Variants in MC2R observed in about 807,000 individuals in gnomAD.
MC2R encodes adrenocorticotropic hormone receptor.
MC2R carries 9 observed loss-of-function variants against 9.8 expected under a neutral mutation model. The observed-to-expected ratio is 0.92, with a 90% confidence interval of 0.55 to 1.60. The LOEUF is 1.60. Among genes scored for constraint, MC2R ranks in the 40% most tolerant of loss-of-function variants. The pLI is 0.00. For synonymous variants in MC2R, 185 were observed against 154.7 expected (o/e 1.20, Z -1.45); for missense variants, 370 against 389.0 (o/e 0.95, Z 0.41).
rs917075052 is a variant in MC2R, at chr18:13,885,193, A to G, written c.326T>C (p.Leu109Pro). The change falls in exon 2 of 2, where the codon CTG (leucine) becomes CCG (proline). Residue 109 changes from leucine to proline, a missense_variant. By Grantham distance (98) the Leu-to-Pro change is moderately conservative. Coordinates refer to ENST00000327606, the MANE Select transcript of MC2R (RefSeq NM_000529.2). ...GGAGCCAAGCAGGGAGAGGACAAACAGGGAGTCGATGATGTCATCGGCTGT... is the reference window on the plus strand; with the variant it reads ...GGAGCCAAGCAGGGAGAGGACAAACGGGGAGTCGATGATGTCATCGGCTGT... ...ETTADDIIDSLFVLSLLGSIF... is the reference protein window; with the variant it reads ...ETTADDIIDSPFVLSLLGSIF... 1.2e-6 allele frequency: 2 copies of G among 1,614,048 alleles called. No homozygotes were observed. The highest frequency in any genetic ancestry group is 1.7e-6 in the Non-Finnish European group (2 of 1,180,038).
intron 1 of MC2R, among the ~76,000 whole-genome samples, chr18:13,886,431 A>G (rs1247930145): frequency 6.6e-6 from 1 of 152,188 alleles, no homozygotes; most frequent in African/African-American, 2.4e-5. Context: ...TGATGAAAAA[A>G]GAGGTAAAGC....
intron 1 of MC2R, among the ~76,000 whole-genome samples, chr18:13,903,268 A>G (rs1013198119): frequency 1.3e-5 from 2 of 152,240 alleles, no homozygotes; most frequent in African/African-American, 4.8e-5. Flanking sequence ...TATGACCATT[A>G]TGGAGAACAG....
Position 13,885,276 on chromosome 18 carries a change from AT to A in MC2R, c.242del (p.Asn81IlefsTer3). The A allele has an allele frequency of 6.2e-7, 1 of 1,614,042 alleles. No homozygotes were observed. Among genetic ancestry groups the A allele is most frequent in the South Asian group, 1.1e-5 (1 of 91,068 alleles). On this transcript the variant is annotated frameshift_variant, in exon 2 of 2. Transcript: ENST00000327606. LOFTEE classifies it high-confidence loss of function. ...CCATGTTTCTCAATATGATCAGGAT[AT>A]TTTCCAAGATCTTATATAGGCTGCC... ...MLGSLYKILE[N>X]ILIILRNMGY...
chr18:13,906,617 A>G (rs2045416036), intron 1 of MC2R, among the ~76,000 whole-genome samples: 2 of 152,248 alleles, frequency 1.3e-5, no homozygotes, highest in African/African-American at 2.4e-5. Flanking sequence ...AGATGACATG[A>G]TGTTATACTT....
rs2045235764 is a variant in MC2R, at chr18:13,882,197, T to C, written c.*2428A>G. 6.6e-6 allele frequency: 1 copy of C among 152,244 alleles called. No individual in the cohort carries two copies. The highest frequency in any genetic ancestry group is 6.5e-5 in the Admixed American group (1 of 15,290). 9.4% of individuals were successfully genotyped at this position (152,244 alleles called of 1,614,324 possible). A position where few individuals can be genotyped will look rare whatever the true frequency, so the allele number is the denominator to read the frequency against. On this transcript the variant is annotated 3_prime_UTR_variant, in exon 2 of 2. Transcript: ENST00000327606. ...GCAGTTTAAAAATTGGGTAATTTGATAAAAGAATTAAGTCCTCATGGGAAA... is the reference window on the plus strand; with the variant it reads ...GCAGTTTAAAAATTGGGTAATTTGACAAAAGAATTAAGTCCTCATGGGAAA...
rs533995869 is a variant in MC2R at position 13,897,156 on chromosome 18, C to T, written c.-128-11510G>A. Among the ~76,000 whole-genome samples, 71 of 152,322 alleles carry T rather than the reference C, an allele frequency of 4.7e-4. 1 individual carries two copies. The South Asian group carries it at 8.9e-3, about 19-fold the overall frequency. ...AGTCTCAAATTGCAGACACCACCCC[C>T]CCAAACCCCCCAGTGGTAGCGTGGT... On this transcript the variant is annotated intron_variant, in intron 1 of 1. Transcript: ENST00000327606.
At chr18:13,902,365 G>A (rs190335529) in intron 1 of MC2R, among the ~76,000 whole-genome samples, 2 of 152,084 alleles carry the variant, frequency 1.3e-5, no homozygotes, top group Admixed American at 1.3e-4. Context: ...GGAACCACAA[G>A]AGACTCAGAA....
chr18:13,897,771 G>T (rs2045355105), intron 1 of MC2R, among the ~76,000 whole-genome samples: 1 of 152,034 alleles, frequency 6.6e-6, no homozygotes, highest in Non-Finnish European at 1.5e-5. Context: ...CACACCCTGG[G>T]CCAGAAGGGA....
At chr18:13,892,634 T>A (rs2045321967) in intron 1 of MC2R, among the ~76,000 whole-genome samples, 1 of 90,416 alleles carries the variant, frequency 1.1e-5, no homozygotes. Context: ...TAAATGAACT[T>A]TTTTTTTTCT....
chr18:13,910,275 T>C (rs988957828), intron 1 of MC2R, among the ~76,000 whole-genome samples: 2 of 152,244 alleles, frequency 1.3e-5, no homozygotes, highest in Non-Finnish European at 2.9e-5. Context: ...TTCATTGATC[T>C]ATTTGTCTGT....
At chr18:13,913,588 G>T (rs1173181746) in intron 1 of MC2R, among the ~76,000 whole-genome samples, 3 of 152,198 alleles carry the variant, frequency 2.0e-5, no homozygotes, top group African/African-American at 2.4e-5. Flanking sequence ...GAACAGAGAA[G>T]TTAAGACTTT....
rs544778831 is a variant in MC2R at position 13,909,478 on chromosome 18, G to T, written c.-129+6010C>A. Among the ~76,000 whole-genome samples, 19 of 152,252 alleles carry T rather than the reference G, an allele frequency of 1.2e-4. 1 individual carries two copies. In the South Asian group the frequency reaches 3.7e-3, roughly 30 times the overall value. On this transcript the variant is annotated intron_variant, in intron 1 of 1. Coordinates refer to ENST00000327606, the MANE Select transcript of MC2R (RefSeq NM_000529.2). ...CCTCACATACAGAGCAGAGAGTTCT[G>T]CCCCACCTCCTTGAGGGTGGAGTGT...
chr18:13,885,098 T>A lies in MC2R; in HGVS notation c.421A>T (p.Ile141Phe). 1.2e-6 allele frequency: 2 copies of A among 1,614,190 alleles called. No homozygotes were observed. Among genetic ancestry groups the A allele is most frequent in the Non-Finnish European group, 1.7e-6 (2 of 1,180,050 alleles). Residue 141 changes from isoleucine (I) to phenylalanine (F), a missense_variant, in exon 2 of 2, where the codon ATC (isoleucine) becomes TTC (phenylalanine). By Grantham distance (21) the Ile-to-Phe change is conservative. Transcript: ENST00000327606. The part of the protein sequence containing the change: ...TIFHALRYHS[I>F]VTMRRTVVVL... ...ACCACAGTGCGGCGCATGGTCACGA[T>A]GCTGTGGTACCGCAGTGCGTGGAAG... is the stretch of plus-strand genomic sequence containing the variant.
chr18:13,914,492 G>A (rs2045464944), intron 1 of MC2R, among the ~76,000 whole-genome samples: 1 of 152,208 alleles, frequency 6.6e-6, no homozygotes, highest in Admixed American at 6.5e-5. Context: ...CTCCGGGGAT[G>A]GGGTGGGGAG....
rs530582955 is a variant in MC2R, at chr18:13,882,378, C to T, written c.*2247G>A. 7.0e-4 allele frequency: 106 copies of T among 152,304 alleles called. 1 individual carries two copies. The highest frequency in any genetic ancestry group is 2.5e-3 in the African/African-American group (105 of 41,572). The allele number at this position is 152,304 out of a possible 1,614,324, so 9.4% of individuals were successfully genotyped here. ...TTCTGATTGGAATATAGCAGAAGAC[C>T]TAGAATTGAAAATGTCTGGAATTGC... is the stretch of plus-strand genomic sequence containing the variant. On this transcript the variant is annotated 3_prime_UTR_variant, in exon 2 of 2. Transcript: ENST00000327606.
rs540734200 is a variant in MC2R, at chr18:13,884,596, A to G, written c.*29T>C. 7 of 1,608,376 alleles carry G rather than the reference A, an allele frequency of 4.4e-6. No homozygotes were observed. The South Asian group carries it at 5.5e-5, about 13-fold the overall frequency. On this transcript the variant is annotated 3_prime_UTR_variant, in exon 2 of 2. Transcript: ENST00000327606. Reference sequence around the variant, plus strand: ...TCTGGCACTTGGCAACGTTATTCCCATGGATTCTAAAACCAGGGATCAGCC... The same window carrying G: ...TCTGGCACTTGGCAACGTTATTCCCGTGGATTCTAAAACCAGGGATCAGCC...
chr18:13,883,623 A>ACT lies in MC2R; in HGVS notation c.*1001_*1002insAG, dbSNP rs2045249897. On this transcript the variant is annotated 3_prime_UTR_variant, in exon 2 of 2. Transcript: ENST00000327606. ...CACACACACACACACACACACACAC[A>ACT]CACACTCTCTCTCTCTCTCTCTCTC... 2.0e-5 allele frequency: 1 copy of ACT among 49,228 alleles called. No homozygotes were observed. Among genetic ancestry groups the ACT allele is most frequent in the African/African-American group, 5.9e-5 (1 of 16,814 alleles). 3.0% of individuals were successfully genotyped at this position (49,228 alleles called of 1,614,324 possible). A position where few individuals can be genotyped will look rare whatever the true frequency, so the allele number is the denominator to read the frequency against.
chr18:13,910,539 G>C lies in MC2R; in HGVS notation c.-129+4949C>G, dbSNP rs1006080799. 3.0e-4 allele frequency among the ~76,000 whole-genome samples: 45 copies of C among 152,348 alleles called. 1 individual carries two copies. Among genetic ancestry groups the C allele is most frequent in the Non-Finnish European group, 2.2e-4 (15 of 68,042 alleles). On this transcript the variant is annotated intron_variant, in intron 1 of 1. Coordinates refer to ENST00000327606, the MANE Select transcript of MC2R (RefSeq NM_000529.2). ...TGATCAAGTGGAGAAGATTAAAAAA[G>C]TGTGTTTCTTGCTGTTTTGCAAGTT...
Position 13,884,969 on chromosome 18 carries a change from G to T in MC2R, c.550C>A (p.Leu184Met), listed in dbSNP as rs1223534728. 26 of 1,614,160 alleles carry T rather than the reference G, an allele frequency of 1.6e-5. No individual in the cohort carries two copies. Among genetic ancestry groups the T allele is most frequent in the Non-Finnish European group, 2.1e-5 (25 of 1,180,036 alleles). ...AGGCACAGGATGAAGACCAGCATCA[G>T]CGGGAACAGCGACGTGAAGGTGATC... The part of the protein sequence containing the change: ...TVITFTSLFP[L>M]MLVFILCLYV... Residue 184 changes from leucine to methionine, a missense_variant, in exon 2 of 2, where the codon CTG becomes ATG. Physicochemically the swap from Leu to Met is conservative, Grantham distance 15. Coordinates refer to ENST00000327606, the MANE Select transcript of MC2R (RefSeq NM_000529.2).
Sources: gnomAD v4.1 joint callset for allele counts (sites outside exome capture counted in the v4.1 genomes callset) on GRCh38, gnomAD v4.1.1 for gene constraint, MANE v1.5 for transcripts, NCBI Gene and HGNC (gene_info 2026-07-23, HGNC 2026-07-21) for gene names.